The following JAKMIP1 variants were observed in gnomAD, a reference collection of about 807,000 sequenced individuals.
JAKMIP1 encodes janus kinase and microtubule-interacting protein 1.
In JAKMIP1, 33 loss-of-function variants were observed where a neutral mutation model predicts 113.0. That is an observed-to-expected ratio of 0.29 (90% confidence interval 0.22 to 0.39). The LOEUF (loss-of-function observed/expected upper bound fraction) is 0.39, where lower values mean the gene tolerates loss of function less well. JAKMIP1 is among the 10% of genes least tolerant of loss of function. The probability of loss-of-function intolerance (pLI) is 1.00; values close to 1 mark genes in which losing one functional copy is unlikely to be tolerated. For missense variants in JAKMIP1, 813 were observed against 1,080.5 expected (o/e 0.75, Z 3.47); for synonymous variants, 480 against 459.9 (o/e 1.04, Z -0.56).
At chr4:6,132,906 C>A (rs1018076112) in intron 1 of JAKMIP1, among the ~76,000 whole-genome samples, 3 of 152,028 alleles carry the variant, frequency 2.0e-5, no homozygotes, top group African/African-American at 7.3e-5. Context: ...ACAAAGCCAG[C>A]CAACTTCTAC....
Position 6,140,664 on chromosome 4 carries a change from C to T in JAKMIP1, c.-147-27667G>A, listed in dbSNP as rs1720013339. Among the ~76,000 whole-genome samples the T allele has an allele frequency of 6.6e-6, 1 of 152,026 alleles. No homozygotes were observed. The highest frequency in any genetic ancestry group is 6.5e-5 in the Admixed American group (1 of 15,274). The stretch of plus-strand genomic sequence containing the variant: ...TTATCTCCTTTTGATCTGTCTTCTC[C>T]AAGACATTTTCCACAATGAAAATGT... On this transcript the variant is annotated intron_variant, in intron 1 of 20. Transcript: ENST00000409021. This position sits in a 1 kb window ranked among gnomAD's most constrained non-coding sequence, Gnocchi z 9.4.
At chr4:6,095,350 G>T (rs1388306510) in intron 3 of JAKMIP1, among the ~76,000 whole-genome samples, 2 of 151,406 alleles carry the variant, frequency 1.3e-5, no homozygotes, top group Non-Finnish European at 2.9e-5. Flanking sequence ...GAAAGGAAGG[G>T]AGGAAGAAAG....
At chr4:6,092,297 G>A (rs942674213) in intron 3 of JAKMIP1, among the ~76,000 whole-genome samples, 12 of 152,156 alleles carry the variant, frequency 7.9e-5, no homozygotes, top group Non-Finnish European at 2.9e-5. Context: ...AGGCACTTCA[G>A]CTCTCTGAAG....
At position 6,051,181 on chromosome 4, in the gene JAKMIP1, AG is replaced by A; in HGVS notation, c.1807-503del. ...CTGAGGTCCCACGCTAGCAAGCGGCAGGGCCAGGACCCCAAAGGCTGACTTT... is the reference window on the plus strand; with the variant it reads ...CTGAGGTCCCACGCTAGCAAGCGGCAGGCCAGGACCCCAAAGGCTGACTTT... On this transcript the variant is annotated intron_variant, in intron 13 of 20. Coordinates refer to ENST00000409021, the MANE Select transcript of JAKMIP1 (RefSeq NM_001099433.2). The surrounding 1 kb of genome is among the most constrained non-coding windows in gnomAD (Gnocchi z 5.0). Among the ~76,000 whole-genome samples, 1 of 150,714 alleles carries A rather than the reference AG, an allele frequency of 6.6e-6. No individual in the cohort carries two copies. Among genetic ancestry groups the A allele is most frequent in the South Asian group, 2.1e-4 (1 of 4,756 alleles).
chr4:6,110,590 G>A (rs1325627150), intron 2 of JAKMIP1, among the ~76,000 whole-genome samples: 1 of 146,996 alleles, frequency 6.8e-6, no homozygotes, highest in Non-Finnish European at 1.5e-5. Context: ...GGTGCTATCT[G>A]CACAGTAGGC....
In JAKMIP1 at chr4:6,141,095, C is replaced by T. The variant is rs1464968772; in HGVS notation, c.-147-28098G>A. Among the ~76,000 whole-genome samples the T allele has an allele frequency of 1.3e-5, 2 of 152,162 alleles. No homozygotes were observed. The highest frequency in any genetic ancestry group is 4.8e-5 in the African/African-American group (2 of 41,430). ...CGAAGAAGCCTCAGTCAGTCACTAC[C>T]ATCCTAATTGTATCGCGTAGAATGA... On this transcript the variant is annotated intron_variant, in intron 1 of 20. Transcript: ENST00000409021. The surrounding 1 kb of genome is among the most constrained non-coding windows in gnomAD (Gnocchi z 9.4).
chr4:6,192,451 C>A lies in JAKMIP1; in HGVS notation c.-148+7802G>T, dbSNP rs945394673. Among the ~76,000 whole-genome samples the A allele has an allele frequency of 6.6e-6, 1 of 152,200 alleles. No homozygotes were observed. The highest frequency in any genetic ancestry group is 6.5e-5 in the Admixed American group (1 of 15,290). ...CAAGTAACACCAGCAGCAGCACCGGCTGACAAACACCCACTGCACGCAGAC... is the reference window on the plus strand; with the variant it reads ...CAAGTAACACCAGCAGCAGCACCGGATGACAAACACCCACTGCACGCAGAC... On this transcript the variant is annotated intron_variant, in intron 1 of 20. Transcript: ENST00000409021. The surrounding 1 kb of genome is among the most constrained non-coding windows in gnomAD (Gnocchi z 5.0).
chr4:6,073,231 C>T (rs951280133), intron 8 of JAKMIP1, among the ~76,000 whole-genome samples: 3 of 152,076 alleles, frequency 2.0e-5, no homozygotes, highest in African/African-American at 7.2e-5. Flanking sequence ...GCCTCAGGGG[C>T]GTGGGGCTAG....
chr4:6,044,856 C>T lies in JAKMIP1; in HGVS notation c.2029-2629G>A, dbSNP rs975686188. Among the ~76,000 whole-genome samples the T allele has an allele frequency of 2.0e-5, 3 of 152,216 alleles. No homozygotes were observed. The highest frequency in any genetic ancestry group is 7.2e-5 in the African/African-American group (3 of 41,466). Reference sequence around the variant, plus strand: ...AGAAATTTAATATCAAAGAGTTTGGCCAGATAGCTGTGGAGGCTCAGTCAC... The same window carrying T: ...AGAAATTTAATATCAAAGAGTTTGGTCAGATAGCTGTGGAGGCTCAGTCAC... On this transcript the variant is annotated intron_variant, in intron 16 of 20. Coordinates refer to ENST00000409021, the MANE Select transcript of JAKMIP1 (RefSeq NM_001099433.2). This position sits in a 1 kb window ranked among gnomAD's most constrained non-coding sequence, Gnocchi z 4.4.
At chr4:6,120,293 CT>C (rs1174615784) in intron 1 of JAKMIP1, among the ~76,000 whole-genome samples, 1 of 151,588 alleles carries the variant, frequency 6.6e-6, no homozygotes, top group Non-Finnish European at 1.5e-5. Flanking sequence ...ATTGATTGTA[CT>C]GACTTAAAAA....
chr4:6,093,754 T>C lies in JAKMIP1; in HGVS notation c.625-8125A>G, dbSNP rs1722418004. The stretch of plus-strand genomic sequence containing the variant: ...GTATCCTGTCTCCAGAGAGGAATGA[T>C]GCTTACTTGGGAAGAGGTCACTTTC... On this transcript the variant is annotated intron_variant, in intron 3 of 20. Coordinates refer to ENST00000409021, the MANE Select transcript of JAKMIP1 (RefSeq NM_001099433.2). This position sits in a 1 kb window ranked among gnomAD's most constrained non-coding sequence, Gnocchi z 4.6. 6.6e-6 allele frequency among the ~76,000 whole-genome samples: 1 copy of C among 152,160 alleles called. No individual in the cohort carries two copies. The highest frequency in any genetic ancestry group is 2.4e-5 in the African/African-American group (1 of 41,440).
intron 1 of JAKMIP1, among the ~76,000 whole-genome samples, chr4:6,151,981 G>A (rs138323952): frequency 2.4e-4 from 37 of 152,168 alleles, no homozygotes; most frequent in African/African-American, 5.3e-4. Flanking sequence ...TAACCACTAC[G>A]GGGCTCGCCA....
intron 1 of JAKMIP1, among the ~76,000 whole-genome samples, chr4:6,147,763 C>T (rs1034093773): frequency 3.9e-5 from 6 of 152,274 alleles, no homozygotes; most frequent in Admixed American, 1.3e-4. Flanking sequence ...CACACTCTCT[C>T]CTCAGCTCAC....
At chr4:6,072,877 G>A (rs192574950) in intron 8 of JAKMIP1, among the ~76,000 whole-genome samples, 11 of 152,130 alleles carry the variant, frequency 7.2e-5, no homozygotes, top group East Asian at 1.9e-4. Flanking sequence ...TCAGGAGTTC[G>A]AGACCAGCCT....
chr4:6,112,330 A>T (rs1455716886), intron 2 of JAKMIP1, among the ~76,000 whole-genome samples: 5 of 152,194 alleles, frequency 3.3e-5, no homozygotes, highest in Non-Finnish European at 5.9e-5. Flanking sequence ...TTCTGTCCCC[A>T]TAATGAATGC....
intron 1 of JAKMIP1, among the ~76,000 whole-genome samples, chr4:6,147,666 C>A (rs771302089): frequency 2.0e-5 from 3 of 152,122 alleles, no homozygotes; most frequent in African/African-American, 2.4e-5. Context: ...CACTCTCCCC[C>A]ACCGGGTCCA....
At position 6,064,956 on chromosome 4, in the gene JAKMIP1, T is replaced by A; in HGVS notation, c.1355A>T (p.Glu452Val). 6.2e-7 allele frequency: 1 copy of A among 1,614,184 alleles called. No homozygotes were observed. The highest frequency in any genetic ancestry group is 8.5e-7 in the Non-Finnish European group (1 of 1,180,040). Residue 452 changes from glutamate (E) to valine (V), a missense_variant, in exon 9 of 21, where the codon GAA (glutamate) becomes GTA (valine). Around this residue, in one of 2 missense-constraint regions of JAKMIP1, gnomAD observed 540 missense variants for 653.9 expected, o/e 0.83. Transcript: ENST00000409021. This position sits in a 1 kb window ranked among gnomAD's most constrained non-coding sequence, Gnocchi z 4.3. Reference sequence around the variant, plus strand: ...GTTGTAGGATGTTTCGGACAACGTTTCTGAGTCCACAGACTCCTCATCAAA... The same window carrying A: ...GTTGTAGGATGTTTCGGACAACGTTACTGAGTCCACAGACTCCTCATCAAA... ...FGFDEESVDS[E>V]TLSETSYNTD...
chr4:6,097,838 C>G lies in JAKMIP1; in HGVS notation c.624+7635G>C, dbSNP rs1477483111. Among the ~76,000 whole-genome samples the G allele has an allele frequency of 6.6e-6, 1 of 152,208 alleles. No individual in the cohort carries two copies. The highest frequency in any genetic ancestry group is 1.5e-5 in the Non-Finnish European group (1 of 68,048). On this transcript the variant is annotated intron_variant, in intron 3 of 20. Coordinates refer to ENST00000409021, the MANE Select transcript of JAKMIP1 (RefSeq NM_001099433.2). This position sits in a 1 kb window ranked among gnomAD's most constrained non-coding sequence, Gnocchi z 4.3. ...AGAAACGCAATCTGGTTCCCTTGAT[C>G]AAAAGCACCCAAGACCAGGATGTCA... is the stretch of plus-strand genomic sequence containing the variant.
In JAKMIP1 at chr4:6,184,700, A is replaced by C. The variant is rs963207911; in HGVS notation, c.-148+15553T>G. 2.0e-5 allele frequency among the ~76,000 whole-genome samples: 3 copies of C among 152,228 alleles called. No individual in the cohort carries two copies. Among genetic ancestry groups the C allele is most frequent in the African/African-American group, 7.2e-5 (3 of 41,462 alleles). The stretch of plus-strand genomic sequence containing the variant: ...ACCAATTGTCAACTATTTTAGAAAC[A>C]GCCAAACAGAATGCATAACTACAGG... On this transcript the variant is annotated intron_variant, in intron 1 of 20. Coordinates refer to ENST00000409021, the MANE Select transcript of JAKMIP1 (RefSeq NM_001099433.2). This position sits in a 1 kb window ranked among gnomAD's most constrained non-coding sequence, Gnocchi z 4.5.
Sources: allele counts gnomAD v4.1 joint callset (sites outside exome capture counted in the v4.1 genomes callset), GRCh38; gene constraint gnomAD v4.1.1; regional missense constraint gnomAD v4.1.1; non-coding constraint Gnocchi (gnomAD v3.1); transcripts MANE v1.5; gene names NCBI Gene and HGNC (gene_info 2026-07-23, HGNC 2026-07-21).